The following EFNB1 variants were observed in gnomAD, a reference collection of about 807,000 sequenced individuals.
The protein encoded by EFNB1 is ephrin B1.
A neutral mutation model predicts 18.1 loss-of-function variants in EFNB1; 1 was observed. That is an observed-to-expected ratio of 0.06 (90% CI 0.02 to 0.26). The LOEUF (loss-of-function observed/expected upper bound fraction) is 0.26. Among genes scored for constraint, EFNB1 ranks in the 10% least tolerant of loss-of-function variants. The pLI, the probability that EFNB1 is intolerant of heterozygous loss-of-function variation, is 1.00. For synonymous variants in EFNB1, 131 were observed against 127.5 expected (o/e 1.03, Z -0.19); for missense variants, 221 against 301.8 (o/e 0.73, Z 1.98).
At chrX:68,833,593 T>C (rs1357725083) in intron 1 of EFNB1, among the ~76,000 whole-genome samples, 1 of 111,057 alleles carries the variant, frequency 9.0e-6, no homozygotes, top group Admixed American at 9.5e-5. Context: ...GAACACCAGG[T>C]TTGGGGGAGA....
rs760426873 is a variant in EFNB1, at chrX:68,839,707, C to T, written c.450C>T (p.Gly150=). 47 of 1,209,803 alleles carry T rather than the reference C, an allele frequency of 3.9e-5. No individual in the cohort carries two copies. Among genetic ancestry groups the T allele is most frequent in the Non-Finnish European group, 5.1e-5 (46 of 895,038 alleles). Residue 150 remains glycine, a synonymous_variant, in exon 3 of 5, where the codon GGC becomes GGT. Coordinates refer to ENST00000204961, the MANE Select transcript of EFNB1 (RefSeq NM_004429.5). ...TGGAGGGGCTGGAAAACCGGGAGGG[C>T]GGTGTGTGCCGCACACGCACCATGA... is the stretch of plus-strand genomic sequence containing the variant. ...GSLEGLENRE[G]GVCRTRTMKI...
Position 68,839,734 on chromosome X carries a change from G to A in EFNB1, c.477G>A (p.Lys159=). The change falls in exon 3 of 5, where the codon AAG becomes AAA. Residue 159 remains lysine (K), a synonymous_variant. Transcript: ENST00000204961. ...GTGTGTGCCGCACACGCACCATGAA[G>A]ATCATCATGAAGGTTGGGCAAGGTG... ...EGGVCRTRTM[K]IIMKVGQDPN... is the part of the protein sequence containing the mutation. The A allele has an allele frequency of 8.3e-7, 1 of 1,211,191 alleles. No individual in the cohort carries two copies. The highest frequency in any genetic ancestry group is 1.1e-6 in the Non-Finnish European group (1 of 895,196).
At chrX:68,829,939 G>T (rs1569396458) in intron 1 of EFNB1, 35 bp downstream of exon 1, 1 of 1,167,461 alleles carries the variant, frequency 8.6e-7, no homozygotes, top group East Asian at 3.3e-5. Context: ...GCTGGGGTGG[G>T]AGGCACTCCT....
rs1001524055 is a variant in EFNB1 at position 68,840,792 on chromosome X, C to G, written c.*138C>G. 100 of 730,640 alleles carry G rather than the reference C, an allele frequency of 1.4e-4. No individual in the cohort carries two copies. In the African/African-American group the frequency reaches 2.0e-3, roughly 14 times the overall value. 60.2% of individuals were successfully genotyped at this position (730,640 alleles called of 1,213,427 possible). A position where few individuals can be genotyped will look rare whatever the true frequency, so the allele number is the denominator to read the frequency against. ...GTAGTTTCTTGGCTTTTATAATCCC[C>G]CTTTTTCCCTGCCCCCTGGGCTTCG... On this transcript the variant is annotated 3_prime_UTR_variant, in exon 5 of 5. Coordinates refer to ENST00000204961, the MANE Select transcript of EFNB1 (RefSeq NM_004429.5).
At position 68,840,439 on chromosome X, in the gene EFNB1, C is replaced by T. The variant is rs1013245198; in HGVS notation, c.826C>T (p.Arg276Trp). Residue 276 changes from arginine (R) to tryptophan (W), a missense_variant, in exon 5 of 5, where the codon CGG becomes TGG. Transcript: ENST00000204961. ...RKRHRKHTQQ[R>W]AAALSLSTLA... The stretch of plus-strand genomic sequence containing the variant: ...GCGGCACCGCAAGCACACACAGCAG[C>T]GGGCGGCTGCCCTCTCGCTCAGTAC... 3.3e-6 allele frequency: 4 copies of T among 1,211,845 alleles called. No homozygotes were observed. The highest frequency in any genetic ancestry group is 3.4e-6 in the Non-Finnish European group (3 of 895,476).
chrX:68,839,918 G>A, intron 3 of EFNB1, 42 bp from the exon 4 acceptor site: 1 of 1,211,139 alleles, frequency 8.3e-7, no homozygotes, highest in Non-Finnish European at 1.1e-6. Context: ...CACCTATGCT[G>A]GCCGGGTCCC....
Position 68,841,609 on chromosome X carries a change from T to C in EFNB1, c.*955T>C, listed in dbSNP as rs1276936447. On this transcript the variant is annotated 3_prime_UTR_variant, in exon 5 of 5. Coordinates refer to ENST00000204961, the MANE Select transcript of EFNB1 (RefSeq NM_004429.5). ...CCCTGTTCTCTCCTTACCTTTGGCA[T>C]CCTTTGGCCTGGTGGGGAAACAGAG... The C allele has an allele frequency of 9.3e-6, 1 of 107,129 alleles. No individual in the cohort carries two copies. The highest frequency in any genetic ancestry group is 9.8e-5 in the Admixed American group (1 of 10,235). 8.8% of individuals were successfully genotyped at this position (107,129 alleles called of 1,213,427 possible).
intron 1 of EFNB1, among the ~76,000 whole-genome samples, chrX:68,836,088 C>T (rs1241694876): frequency 1.8e-5 from 2 of 111,696 alleles, no homozygotes; most frequent in Admixed American, 9.5e-5. Context: ...CCTCTTAGAC[C>T]CATCGGGTTA....
chrX:68,834,325 AGACATC>A (rs2080454832), intron 1 of EFNB1, among the ~76,000 whole-genome samples: 1 of 112,730 alleles, frequency 8.9e-6, no homozygotes, highest in Admixed American at 9.3e-5. Context: ...CACAGAAAGC[AGACATC>A]GACATCGAGG....
chrX:68,841,073 T>C lies in EFNB1; in HGVS notation c.*419T>C, dbSNP rs1397046386. ...GCTGTCAACTCATTTTCATCTGTTT[T>C]TTGAAGAAAAATGGAAAAATGTAAA... On this transcript the variant is annotated 3_prime_UTR_variant, in exon 5 of 5. Coordinates refer to ENST00000204961, the MANE Select transcript of EFNB1 (RefSeq NM_004429.5). 6.1e-6 allele frequency: 1 copy of C among 163,202 alleles called. No individual in the cohort carries two copies. The highest frequency in any genetic ancestry group is 1.2e-5 in the Non-Finnish European group (1 of 84,593). The allele number at this position is 163,202 out of a possible 1,213,427, so 13.4% of individuals were successfully genotyped here.
chrX:68,830,815 A>G (rs34685553), intron 1 of EFNB1, among the ~76,000 whole-genome samples: 16,499 of 111,773 alleles, frequency 0.15, 1,118 homozygotes, highest in African/African-American at 0.27. Context: ...GGGCAGCTAT[A>G]TAAAGGACAT....
In EFNB1 at chrX:68,840,390, G is replaced by A. The variant is rs1421078912; in HGVS notation, c.777G>A (p.Thr259=). Reference sequence around the variant, plus strand: ...TCCTGCTCATCATCATCTTCCTGACGGTCCTACTACTGAAGCTACGCAAGC... The same window carrying A: ...TCCTGCTCATCATCATCTTCCTGACAGTCCTACTACTGAAGCTACGCAAGC... ...VIFLLIIIFL[T]VLLLKLRKRH... The change falls in exon 5 of 5, where the codon ACG becomes ACA. Residue 259 remains threonine (T), a synonymous_variant. Coordinates refer to ENST00000204961, the MANE Select transcript of EFNB1 (RefSeq NM_004429.5). 5.0e-6 allele frequency: 6 copies of A among 1,211,828 alleles called. No individual in the cohort carries two copies. The highest frequency in any genetic ancestry group is 2.2e-5 in the Admixed American group (1 of 46,067).
intron 1 of EFNB1, 92 bp downstream of exon 1, chrX:68,829,996 G>A: frequency 1.8e-6 from 2 of 1,101,126 alleles, no homozygotes; most frequent in Non-Finnish European, 1.2e-6. Context: ...GAGGTCTTCG[G>A]AGGAGGAGCG....
chrX:68,834,307 A>C (rs1035307956), intron 1 of EFNB1, among the ~76,000 whole-genome samples: 1 of 112,681 alleles, frequency 8.9e-6, no homozygotes, highest in Non-Finnish European at 1.9e-5. Context: ...CTCTCTTCTC[A>C]GGGACCCCAC....
chrX:68,839,088 C>T lies in EFNB1; in HGVS notation c.406+194C>T, dbSNP rs760279698. The stretch of plus-strand genomic sequence containing the variant: ...AATTCTCGCCCCAACATTTACCAAG[C>T]TCACCTTGGCTCCAGGGGTTGGGCA... On this transcript the variant is annotated intron_variant, in intron 2 of 4. Transcript: ENST00000204961. Among the ~76,000 whole-genome samples the T allele has an allele frequency of 8.0e-5, 9 of 112,485 alleles. No homozygotes were observed. In the East Asian group the frequency reaches 1.1e-3, roughly 14 times the overall value.
Position 68,840,056 on chromosome X carries a change from G to A in EFNB1, c.596G>A (p.Arg199Gln), listed in dbSNP as rs1295277661. The change falls in exon 4 of 5, where the codon CGG becomes CAG. Residue 199 changes from arginine (R) to glutamine (Q), a missense_variant. Coordinates refer to ENST00000204961, the MANE Select transcript of EFNB1 (RefSeq NM_004429.5). ...ATGGCCACACAGGCCCCTGGTAGTCGGGGCTCCCTGGGTGACTCTGATGGC... is the reference window on the plus strand; with the variant it reads ...ATGGCCACACAGGCCCCTGGTAGTCAGGGCTCCCTGGGTGACTCTGATGGC... Reference protein sequence around the residue: ...VKMATQAPGSRGSLGDSDGKH... With the variant: ...VKMATQAPGSQGSLGDSDGKH... 6.6e-6 allele frequency: 8 copies of A among 1,211,811 alleles called. No homozygotes were observed. Among genetic ancestry groups the A allele is most frequent in the South Asian group, 1.8e-5 (1 of 56,958 alleles).
At chrX:68,836,223 C>G (rs1353688107) in intron 1 of EFNB1, among the ~76,000 whole-genome samples, 1 of 111,814 alleles carries the variant, frequency 8.9e-6, no homozygotes, top group African/African-American at 3.3e-5. Flanking sequence ...GTTGTCTAAT[C>G]CTGCCATCTG....
rs2080438724 is a variant in EFNB1, at chrX:68,829,701, C to T, written c.-76C>T. 1 of 1,158,074 alleles carries T rather than the reference C, an allele frequency of 8.6e-7. No homozygotes were observed. Among genetic ancestry groups the T allele is most frequent in the East Asian group, 3.3e-5 (1 of 30,738 alleles). ...GGCGCCTGAGCGGCTCCGAGCGCAG[C>T]GCGGCAGAGGAAGGCGAGGCGAGCT... On this transcript the variant is annotated 5_prime_UTR_variant, in exon 1 of 5. Coordinates refer to ENST00000204961, the MANE Select transcript of EFNB1 (RefSeq NM_004429.5).
chrX:68,838,507 G>T, intron 1 of EFNB1, 110 bp from the exon 2 acceptor site: 1 of 935,876 alleles, frequency 1.1e-6, no homozygotes, highest in Non-Finnish European at 1.5e-6. Flanking sequence ...GCTTGCTCTT[G>T]CCATCTCCAC....
Sources: allele counts gnomAD v4.1 joint callset (sites outside exome capture counted in the v4.1 genomes callset), GRCh38; gene constraint gnomAD v4.1.1; transcripts MANE v1.5; gene names NCBI Gene and HGNC (gene_info 2026-07-23, HGNC 2026-07-21).